PCDHA10: variants seen among roughly 807,000 people sequenced by gnomAD.
The protein encoded by PCDHA10 is protocadherin alpha-10.
PCDHA10 carries 45 observed loss-of-function variants against 61.2 expected under a neutral mutation model. The ratio of observed to expected loss-of-function variants is 0.74; its 90% CI spans 0.58 to 0.94. PCDHA10 has a LOEUF of 0.94. Among genes scored for constraint, PCDHA10 ranks in the 40% least tolerant of loss-of-function variants. The probability of loss-of-function intolerance (pLI) is 0.00; values close to 1 mark genes in which losing one functional copy is unlikely to be tolerated. For synonymous variants in PCDHA10, 602 were observed against 548.8 expected (o/e 1.10, Z -1.35); for missense variants, 1,278 against 1,236.2 (o/e 1.03, Z -0.51).
rs180683275 is a variant in PCDHA10 at position 140,985,540 on chromosome 5, T to C, written c.2536+2977T>C. 7.6e-3 allele frequency among the ~76,000 whole-genome samples: 1,162 copies of C among 152,268 alleles called. 7 individuals are homozygous for C. The highest frequency in any genetic ancestry group is 0.012 in the Non-Finnish European group (785 of 68,010). On this transcript the variant is annotated intron_variant, in intron 3 of 3. Coordinates refer to ENST00000307360, the MANE Select transcript of PCDHA10 (RefSeq NM_018901.4). ...TGCCCTTAAAGCTTCACGGTGAAGATGCAGTTGCTTCCAAAAGGCTTCTTT... is the reference window on the plus strand; with the variant it reads ...TGCCCTTAAAGCTTCACGGTGAAGACGCAGTTGCTTCCAAAAGGCTTCTTT...
rs782755765 is a variant in PCDHA10, at chr5:140,869,235, C to T, written c.2388+10799C>T. On this transcript the variant is annotated intron_variant, in intron 1 of 3. Coordinates refer to ENST00000307360, the MANE Select transcript of PCDHA10 (RefSeq NM_018901.4). ...CGGAGGAGGCCAAACACGGCACCTT[C>T]GTGGGCCGCATCGCGCAGGACCTGG... is the stretch of plus-strand genomic sequence containing the variant. 1.2e-5 allele frequency: 19 copies of T among 1,613,568 alleles called. No homozygotes were observed. The South Asian group carries it at 1.5e-4, about 13-fold the overall frequency.
At chr5:140,859,768 T>A (rs1469606357) in intron 1 of PCDHA10, 1 of 152,934 alleles carries the variant, frequency 6.5e-6, no homozygotes, top group Non-Finnish European at 1.5e-5. Flanking sequence ...ATACTCTCCA[T>A]GCCCTGTCTC....
chr5:140,898,670 C>T (rs574817267), intron 1 of PCDHA10, among the ~76,000 whole-genome samples: 20 of 152,200 alleles, frequency 1.3e-4, no homozygotes, highest in South Asian at 6.2e-4. Context: ...CTTGGTGTTG[C>T]GGGCTGTTTT....
intron 1 of PCDHA10, chr5:140,862,752 G>A (rs554442218): frequency 5.2e-6 from 3 of 577,754 alleles, no homozygotes; most frequent in East Asian, 4.7e-5. Flanking sequence ...TGCACGCGGA[G>A]AGCGGCAAGA....
chr5:140,945,813 C>T (rs10477097), intron 1 of PCDHA10, among the ~76,000 whole-genome samples: 2 of 152,084 alleles, frequency 1.3e-5, no homozygotes, highest in East Asian at 3.8e-4. Flanking sequence ...TTATCTCACA[C>T]TGTATACAAA....
At chr5:140,941,095 A>C (rs2092727620) in intron 1 of PCDHA10, among the ~76,000 whole-genome samples, 1 of 152,062 alleles carries the variant, frequency 6.6e-6, no homozygotes, top group South Asian at 2.1e-4. Flanking sequence ...TAGTTTTCAC[A>C]TACTATTACT....
At chr5:140,869,484 C>T (rs782167038) in intron 1 of PCDHA10, 2 of 1,613,948 alleles carry the variant, frequency 1.2e-6, no homozygotes, top group South Asian at 2.2e-5. Flanking sequence ...AGGACATTAA[C>T]GACAACCCGC....
chr5:140,959,055 C>A (rs2095463398), intron 1 of PCDHA10, among the ~76,000 whole-genome samples: 1 of 151,914 alleles, frequency 6.6e-6, no homozygotes, highest in African/African-American at 2.4e-5. Flanking sequence ...GGAAAAAATG[C>A]AGTATATATA....
rs2053060094 is a variant in PCDHA10, at chr5:140,871,409, T to A, written c.2388+12973T>A. The A allele has an allele frequency of 6.2e-7, 1 of 1,614,092 alleles. No individual in the cohort carries two copies. Among genetic ancestry groups the A allele is most frequent in the Non-Finnish European group, 8.5e-7 (1 of 1,179,968 alleles). The stretch of plus-strand genomic sequence containing the variant: ...GAGGGCCCACCTAAGACGGACCTCA[T>A]GGCCTTCAGCCCCAGTCTTCCTCTA... On this transcript the variant is annotated intron_variant, in intron 1 of 3. Transcript: ENST00000307360.
chr5:140,883,668 A>G (rs782191858), intron 1 of PCDHA10: 16 of 1,613,456 alleles, frequency 9.9e-6, no homozygotes, highest in Non-Finnish European at 1.4e-5. Flanking sequence ...GTGAAGGAAA[A>G]CAATCCGCCG....
rs576753961 is a variant in PCDHA10 at position 140,858,068 on chromosome 5, G to A, written c.2020G>A (p.Ala674Thr). The A allele has an allele frequency of 6.3e-7, 1 of 1,597,756 alleles. No individual in the cohort carries two copies. Among genetic ancestry groups the A allele is most frequent in the African/African-American group, 1.3e-5 (1 of 74,506 alleles). Residue 674 changes from alanine to threonine, a missense_variant, in exon 1 of 4, where the codon GCA (alanine) becomes ACA (threonine). Transcript: ENST00000307360. ...TGTGTCGCTTGTGGAGGGCAGCCAG[G>A]CACCCAAGGCCTCGTCGCGGGCTTC... The part of the protein sequence containing the change: ...VLVSLVEGSQ[A>T]PKASSRASVG...
At chr5:140,912,170 T>C (rs961907962) in intron 1 of PCDHA10, among the ~76,000 whole-genome samples, 6 of 152,202 alleles carry the variant, frequency 3.9e-5, no homozygotes, top group African/African-American at 9.7e-5. Flanking sequence ...CTGGCTGTGC[T>C]GGCAGCTGAT....
At chr5:140,964,771 A>C (rs2095853520) in intron 1 of PCDHA10, among the ~76,000 whole-genome samples, 1 of 152,022 alleles carries the variant, frequency 6.6e-6, no homozygotes, top group South Asian at 2.1e-4. Context: ...GGATGCAGAG[A>C]GAAGAGGAAG....
intron 1 of PCDHA10, among the ~76,000 whole-genome samples, chr5:140,920,056 C>T (rs2079426580): frequency 6.6e-6 from 1 of 152,144 alleles, no homozygotes; most frequent in African/African-American, 2.4e-5. Flanking sequence ...GCCACCAACA[C>T]CTGGAAAAGG....
At chr5:140,882,531 C>A (rs781969592) in intron 1 of PCDHA10, 2 of 1,614,218 alleles carry the variant, frequency 1.2e-6, no homozygotes, top group Non-Finnish European at 1.7e-6. Context: ...TTTGTGAATT[C>A]TCGGATCGAC....
intron 3 of PCDHA10, among the ~76,000 whole-genome samples, chr5:140,986,736 A>G (rs1056820843): frequency 1.3e-5 from 2 of 152,206 alleles, no homozygotes; most frequent in Non-Finnish European, 2.9e-5. Flanking sequence ...TCAAGACCCC[A>G]GGGGATCTGG....
chr5:140,939,613 A>T (rs2092423002), intron 1 of PCDHA10, among the ~76,000 whole-genome samples: 1 of 152,232 alleles, frequency 6.6e-6, no homozygotes, highest in African/African-American at 2.4e-5. Context: ...CAGAACAAGG[A>T]GACAAAAGAA....
At chr5:141,004,597 C>CTTAG (rs1554259623) in intron 3 of PCDHA10, among the ~76,000 whole-genome samples, 1 of 152,218 alleles carries the variant, frequency 6.6e-6, no homozygotes, top group African/African-American at 2.4e-5. Flanking sequence ...GATGACAGTG[C>CTTAG]TTAGGCCTCA....
At chr5:140,965,609 G>T (rs568507618) in intron 1 of PCDHA10, among the ~76,000 whole-genome samples, 9 of 151,736 alleles carry the variant, frequency 5.9e-5, no homozygotes, top group Admixed American at 2.0e-4. Context: ...TGAAGACATT[G>T]TCATCCATTA....
Sources: gnomAD v4.1 joint callset for allele counts (sites outside exome capture counted in the v4.1 genomes callset) on GRCh38, gnomAD v4.1.1 for gene constraint, MANE v1.5 for transcripts, NCBI Gene and HGNC (gene_info 2026-07-23, HGNC 2026-07-21) for gene names.